Variants in ROBO1 observed in about 807,000 individuals in gnomAD.
ROBO1 encodes roundabout guidance receptor 1, also known as roundabout homolog 1.
ROBO1 carries 149 observed loss-of-function variants against 195.9 expected under a neutral mutation model. The ratio of observed to expected loss-of-function variants is 0.76; its 90% CI spans 0.67 to 0.87. The LOEUF (loss-of-function observed/expected upper bound fraction) is 0.87, where lower values mean the gene tolerates loss of function less well. ROBO1 is among the 40% of genes least tolerant of loss of function. ROBO1 has a pLI of 0.00. For missense variants in ROBO1, 1,933 were observed against 2,068.3 expected (o/e 0.93, Z 1.27); for synonymous variants, 816 against 733.2 (o/e 1.11, Z -1.82).
chr3:79,550,118 C>A (rs1942422541), intron 2 of ROBO1, among the ~76,000 whole-genome samples: 2 of 137,988 alleles, frequency 1.4e-5, no homozygotes, highest in Non-Finnish European at 3.1e-5. Context: ...GAGCAAGACT[C>A]CATCTCCAAA....
At chr3:79,291,829 A>C (rs1380812670) in intron 2 of ROBO1, among the ~76,000 whole-genome samples, 1 of 152,170 alleles carries the variant, frequency 6.6e-6, no homozygotes, top group African/African-American at 2.4e-5. Flanking sequence ...AATGGCCCCA[A>C]GTTTTTTGAA....
chr3:79,763,923 G>A (rs757533630), intron 1 of ROBO1, among the ~76,000 whole-genome samples: 1 of 152,152 alleles, frequency 6.6e-6, no homozygotes, highest in Non-Finnish European at 1.5e-5. Flanking sequence ...GGGGAAAATA[G>A]GTAGGTCCAG....
At chr3:79,316,580 T>C (rs1200514159) in intron 2 of ROBO1, among the ~76,000 whole-genome samples, 1 of 152,076 alleles carries the variant, frequency 6.6e-6, no homozygotes, top group South Asian at 2.1e-4. Flanking sequence ...GTTGTTCCTA[T>C]GTTCTTAGAG....
At chr3:78,881,882 T>C (rs1252575785) in intron 4 of ROBO1, among the ~76,000 whole-genome samples, 1 of 152,180 alleles carries the variant, frequency 6.6e-6, no homozygotes, top group South Asian at 2.1e-4. Context: ...TTAATGGACA[T>C]GGCCTTAATA....
intron 5 of ROBO1, among the ~76,000 whole-genome samples, chr3:78,746,009 G>A (rs1576073697): frequency 6.6e-6 from 1 of 152,156 alleles, no homozygotes; most frequent in South Asian, 2.1e-4. Flanking sequence ...AGTGCATGCT[G>A]AACAAAGAGA....
chr3:79,509,886 G>A (rs1455597400), intron 2 of ROBO1, among the ~76,000 whole-genome samples: 1 of 151,808 alleles, frequency 6.6e-6, no homozygotes, highest in Non-Finnish European at 1.5e-5. Context: ...CCATTGTCAG[G>A]CGTACTTACC....
At chr3:79,736,958 C>T (rs1324319812) in intron 1 of ROBO1, among the ~76,000 whole-genome samples, 1 of 152,178 alleles carries the variant, frequency 6.6e-6, no homozygotes, top group Admixed American at 6.5e-5. Flanking sequence ...CAATAGACTT[C>T]TTTGCTTCCA....
intron 1 of ROBO1, among the ~76,000 whole-genome samples, chr3:79,619,759 A>G (rs572440305): frequency 6.6e-5 from 10 of 152,282 alleles, no homozygotes; most frequent in African/African-American, 2.4e-4. Flanking sequence ...AACAACCCTT[A>G]GAAGCTTTAC....
At chr3:78,958,022 G>A (rs774419047) in intron 3 of ROBO1, among the ~76,000 whole-genome samples, 5 of 152,068 alleles carry the variant, frequency 3.3e-5, no homozygotes, top group African/African-American at 7.2e-5. Context: ...GACATAGACC[G>A]AGATGCAGCA....
chr3:78,666,349 T>C (rs1216691003), intron 14 of ROBO1, among the ~76,000 whole-genome samples: 2 of 152,236 alleles, frequency 1.3e-5, no homozygotes, highest in Non-Finnish European at 2.9e-5. Flanking sequence ...ACTAAATGAA[T>C]GTTCAGACAG....
chr3:79,544,548 C>T (rs889084695), intron 2 of ROBO1, among the ~76,000 whole-genome samples: 1 of 151,776 alleles, frequency 6.6e-6, no homozygotes, highest in African/African-American at 2.4e-5. Flanking sequence ...AGAATAGTGG[C>T]GGGCATATTC....
intron 3 of ROBO1, among the ~76,000 whole-genome samples, chr3:79,014,514 T>C (rs1369957566): frequency 6.6e-6 from 1 of 152,178 alleles, no homozygotes; most frequent in Non-Finnish European, 1.5e-5. Context: ...TTGCTTCATG[T>C]GCTGTGTGTG....
At chr3:78,995,759 C>CT (rs751520076) in intron 3 of ROBO1, among the ~76,000 whole-genome samples, 8 of 147,546 alleles carry the variant, frequency 5.4e-5, no homozygotes, top group Non-Finnish European at 8.9e-5. Flanking sequence ...GAGCGAGACT[C>CT]TGTCTCCAAA....
rs111572147 is a variant in ROBO1, at chr3:79,308,348, A to C, written c.89-182809T>G. 8.4e-4 allele frequency among the ~76,000 whole-genome samples: 128 copies of C among 152,344 alleles called. 1 individual carries two copies. The highest frequency in any genetic ancestry group is 3.0e-3 in the African/African-American group (123 of 41,582). ...TTCTAGGACAAAATCTAAATCATTC[A>C]TGCAGGAAAAATTTGCACATTTACT... On this transcript the variant is annotated intron_variant, in intron 2 of 30. Coordinates refer to ENST00000464233, the MANE Select transcript of ROBO1 (RefSeq NM_002941.4).
chr3:79,346,798 A>G (rs1424709346), intron 2 of ROBO1, among the ~76,000 whole-genome samples: 1 of 151,934 alleles, frequency 6.6e-6, no homozygotes, highest in Non-Finnish European at 1.5e-5. Context: ...ATCATGTTGT[A>G]AAATAATACA....
chr3:79,271,513 A>T (rs2030556185), intron 2 of ROBO1, among the ~76,000 whole-genome samples: 1 of 152,006 alleles, frequency 6.6e-6, no homozygotes, highest in South Asian at 2.1e-4. Context: ...GGTGGGAAAA[A>T]CGAAAAGAAG....
chr3:78,860,326 A>ATATATATATATATATATATTT (rs376853384), intron 4 of ROBO1, among the ~76,000 whole-genome samples: 66 of 93,486 alleles, frequency 7.1e-4, no homozygotes, highest in African/African-American at 2.7e-3. Flanking sequence ...ATATATATAT[A>ATATATATATATATATATATTT]TTTTTTTTTT....
intron 2 of ROBO1, among the ~76,000 whole-genome samples, chr3:79,585,683 A>C (rs996852124): frequency 9.2e-5 from 14 of 152,000 alleles, no homozygotes; most frequent in African/African-American, 3.1e-4. Flanking sequence ...AAATGTCTAA[A>C]GCAGAGGTTC....
At chr3:79,602,548 C>T (rs1944368624) in intron 1 of ROBO1, among the ~76,000 whole-genome samples, 1 of 151,966 alleles carries the variant, frequency 6.6e-6, no homozygotes, top group Non-Finnish European at 1.5e-5. Context: ...CACCTAATTA[C>T]TAACCAAGTG....
Sources: gnomAD v4.1 joint callset for allele counts (sites outside exome capture counted in the v4.1 genomes callset) on GRCh38, gnomAD v4.1.1 for gene constraint, MANE v1.5 for transcripts, NCBI Gene and HGNC (gene_info 2026-07-23, HGNC 2026-07-21) for gene names.